The following DRG1 variants were observed in gnomAD, a reference collection of about 807,000 sequenced individuals.
DRG1 encodes the protein developmentally-regulated GTP-binding protein 1.
A neutral mutation model predicts 38.8 loss-of-function variants in DRG1; 19 were observed. That is an observed-to-expected ratio of 0.49 (90% CI 0.34 to 0.72). The LOEUF (loss-of-function observed/expected upper bound fraction) is 0.72, where lower values mean the gene tolerates loss of function less well. Among genes scored for constraint, DRG1 ranks in the 30% least tolerant of loss-of-function variants. The pLI is 0.01. For synonymous variants in DRG1, 167 were observed against 157.5 expected, an observed-to-expected ratio of 1.06 and a Z score of -0.45; for missense variants, 299 against 444.8, an observed-to-expected ratio of 0.67 and a Z score of 2.95.
intron 8 of DRG1, among the ~76,000 whole-genome samples, chr22:31,429,266 G>A (rs1428221115): frequency 1.3e-5 from 2 of 151,890 alleles, no homozygotes; most frequent in African/African-American, 4.8e-5. Context: ...CTACAGGCGT[G>A]TGCCACCGTG....
At chr22:31,400,524 C>T (rs2049955084) in intron 1 of DRG1, 96 bp from the exon 2 acceptor site, 16 of 1,513,184 alleles carry the variant, frequency 1.1e-5, no homozygotes, top group Non-Finnish European at 1.4e-5. Context: ...ACTGGGTGTG[C>T]TAACATTAGT....
chr22:31,401,966 G>A (rs1225046425), intron 2 of DRG1, among the ~76,000 whole-genome samples: 1 of 151,834 alleles, frequency 6.6e-6, no homozygotes, highest in Non-Finnish European at 1.5e-5. Flanking sequence ...CAGGAGAATC[G>A]CTTGAACCTG....
At chr22:31,419,701 C>A (rs1342081178) in intron 4 of DRG1, among the ~76,000 whole-genome samples, 1 of 151,910 alleles carries the variant, frequency 6.6e-6, no homozygotes, top group Non-Finnish European at 1.5e-5. Flanking sequence ...TGTGCTTTAA[C>A]ATGGATACAA....
chr22:31,420,123 C>G (rs768442300), intron 4 of DRG1, 133 bp from the exon 5 acceptor site: 1 of 900,032 alleles, frequency 1.1e-6, no homozygotes, highest in African/African-American at 1.7e-5. Context: ...AAGAACTTCA[C>G]GTATGCATGT....
chr22:31,421,143 C>A (rs11089503), intron 5 of DRG1, among the ~76,000 whole-genome samples: 1 of 152,154 alleles, frequency 6.6e-6, no homozygotes, highest in Non-Finnish European at 1.5e-5. Flanking sequence ...TGGTCGGTTT[C>A]ATTCTGTTGC....
At chr22:31,416,176 C>A (rs5753604) in intron 4 of DRG1, among the ~76,000 whole-genome samples, 5,670 of 152,110 alleles carry the variant, frequency 0.037, 440 homozygotes, top group East Asian at 0.34. Context: ...ACTTGGGAGG[C>A]TGAGATGGGA....
At chr22:31,419,182 A>C (rs998995172) in intron 4 of DRG1, among the ~76,000 whole-genome samples, 6 of 152,056 alleles carry the variant, frequency 3.9e-5, no homozygotes, top group Non-Finnish European at 5.9e-5. Flanking sequence ...TCATGCCTGC[A>C]GTCTCGGCAG....
chr22:31,406,817 A>G (rs534904949), intron 3 of DRG1, among the ~76,000 whole-genome samples: 3 of 152,312 alleles, frequency 2.0e-5, no homozygotes, highest in African/African-American at 4.8e-5. Context: ...TCACTAAACT[A>G]TAGATCTTAT....
chr22:31,426,590 C>T (rs1400688464), intron 6 of DRG1, 25 bp from the exon 7 acceptor site: 42 of 1,593,606 alleles, frequency 2.6e-5, no homozygotes, highest in Admixed American at 5.2e-5. Flanking sequence ...CAGACTAATA[C>T]CCTGTTTTTC....
chr22:31,434,117 T>C lies in DRG1; in HGVS notation c.*146T>C. On this transcript the variant is annotated 3_prime_UTR_variant, in exon 9 of 9. Coordinates refer to ENST00000331457, the MANE Select transcript of DRG1 (RefSeq NM_004147.4). Reference sequence around the variant, plus strand: ...GAGGCACCCAAACTGGAACTTCATTTGTCTTACCTTGGTGTCACCTTGTAT... The same window carrying C: ...GAGGCACCCAAACTGGAACTTCATTCGTCTTACCTTGGTGTCACCTTGTAT... 1.5e-6 allele frequency: 1 copy of C among 655,392 alleles called. No individual in the cohort carries two copies. Among genetic ancestry groups the C allele is most frequent in the Admixed American group, 2.7e-5 (1 of 37,642 alleles). 40.6% of individuals were successfully genotyped at this position (655,392 alleles called of 1,614,324 possible). A position where few individuals can be genotyped will look rare whatever the true frequency, so the allele number is the denominator to read the frequency against.
chr22:31,433,748 C>T (rs2050155716), intron 8 of DRG1, 124 bp from the exon 9 acceptor site: 1 of 739,502 alleles, frequency 1.4e-6, no homozygotes, highest in Non-Finnish European at 2.2e-6. Context: ...GAAGATAAAG[C>T]TTTTGTAGGT....
chr22:31,431,860 G>C (rs2050140997), intron 8 of DRG1, among the ~76,000 whole-genome samples: 1 of 152,068 alleles, frequency 6.6e-6, no homozygotes, highest in African/African-American at 2.4e-5. Flanking sequence ...TTTGTAAAAA[G>C]TTAAACACTG....
At chr22:31,407,672 TA>T in intron 3 of DRG1, among the ~76,000 whole-genome samples, 1 of 148,722 alleles carries the variant, frequency 6.7e-6, no homozygotes. Flanking sequence ...TTTTATTTTT[TA>T]TTTTCATTTT....
chr22:31,429,411 C>G (rs1482617600), intron 8 of DRG1, among the ~76,000 whole-genome samples: 1 of 152,058 alleles, frequency 6.6e-6, no homozygotes, highest in African/African-American at 2.4e-5. Context: ...CATGAGCTAC[C>G]ACGCCTGGCC....
intron 5 of DRG1, chr22:31,421,539 A>G (rs1208561394): frequency 6.6e-6 from 1 of 152,088 alleles, no homozygotes; most frequent in Non-Finnish European, 1.5e-5. Flanking sequence ...TTTAGATGCC[A>G]GTGAGACATC....
At chr22:31,410,688 A>G (rs62236187) in intron 3 of DRG1, among the ~76,000 whole-genome samples, 6,361 of 152,024 alleles carry the variant, frequency 0.042, 121 homozygotes, top group Non-Finnish European at 0.051. Context: ...GGTGGCAGGT[A>G]TCTGTAATCC....
chr22:31,423,523 C>CTTTTTTTTTT (rs1229925627), intron 6 of DRG1, 113 bp downstream of exon 6: 1 of 441,380 alleles, frequency 2.3e-6, no homozygotes, highest in Non-Finnish European at 3.5e-6. Flanking sequence ...GTCCTACTGT[C>CTTTTTTTTTT]TTTTTTTTTT....
intron 2 of DRG1, among the ~76,000 whole-genome samples, chr22:31,401,840 C>T (rs1342275505): frequency 2.6e-5 from 4 of 151,962 alleles, no homozygotes; most frequent in Non-Finnish European, 5.9e-5. Context: ...GATCACAGGT[C>T]AGGAGTTCGA....
chr22:31,409,863 A>G (rs993781623), intron 3 of DRG1, among the ~76,000 whole-genome samples: 1 of 152,074 alleles, frequency 6.6e-6, no homozygotes, highest in Admixed American at 6.6e-5. Context: ...ATATGGTGGC[A>G]TATGCCCTGT....
Sources: allele counts gnomAD v4.1 joint callset (sites outside exome capture counted in the v4.1 genomes callset), GRCh38; gene constraint gnomAD v4.1.1; transcripts MANE v1.5; gene names NCBI Gene and HGNC (gene_info 2026-07-23, HGNC 2026-07-21).